The following KALRN variants were observed in gnomAD, a reference collection of about 807,000 sequenced individuals.
The protein encoded by KALRN is kalirin RhoGEF kinase.
A neutral mutation model predicts 353.7 loss-of-function variants in KALRN; 70 were observed. The ratio of observed to expected loss-of-function variants is 0.20; its 90% CI spans 0.16 to 0.24. The LOEUF (loss-of-function observed/expected upper bound fraction) is 0.24. KALRN is among the 10% of genes least tolerant of loss of function. The probability of loss-of-function intolerance (pLI) is 1.00; values close to 1 mark genes in which losing one functional copy is unlikely to be tolerated. For missense variants in KALRN, 2,791 were observed against 3,756.7 expected (o/e 0.74, Z 6.72); for synonymous variants, 1,391 against 1,434.8 (o/e 0.97, Z 0.69).
At chr3:124,342,361 C>A (rs1447391282) in intron 9 of KALRN, among the ~76,000 whole-genome samples, 1 of 152,164 alleles carries the variant, frequency 6.6e-6, no homozygotes, top group Non-Finnish European at 1.5e-5. Context: ...CACTCTGCAT[C>A]CATGTGTATG....
intron 1 of KALRN, among the ~76,000 whole-genome samples, chr3:124,216,894 G>A (rs1186008265): frequency 1.3e-5 from 2 of 152,086 alleles, no homozygotes; most frequent in African/African-American, 4.8e-5. Flanking sequence ...TAGGTCTTGG[G>A]AAAATCCCAT....
At chr3:124,646,412 A>ATTTTTTTTTTTTTTTTTTT (rs1559758779) in intron 37 of KALRN, among the ~76,000 whole-genome samples, 2 of 125,538 alleles carry the variant, frequency 1.6e-5, no homozygotes, top group African/African-American at 6.0e-5. Context: ...TTTTTTTGAG[A>ATTTTTTTTTTTTTTTTTTT]CAGAGCCTTG....
In KALRN at chr3:124,270,033, T is replaced by TA. The variant is rs757817885; in HGVS notation, c.969+784dup. The stretch of plus-strand genomic sequence containing the variant: ...CAGGGAAAAGTAAGATAAGAGAATG[T>TA]AAAAAAGGAAAATTGCATATAGTGC... On this transcript the variant is annotated intron_variant, in intron 5 of 59. Transcript: ENST00000682506. 1.4e-3 allele frequency among the ~76,000 whole-genome samples: 208 copies of TA among 152,302 alleles called. 1 individual carries two copies. Among genetic ancestry groups the TA allele is most frequent in the Non-Finnish European group, 1.7e-3 (113 of 68,014 alleles).
intron 33 of KALRN, among the ~76,000 whole-genome samples, chr3:124,521,148 C>A (rs2067131616): frequency 6.6e-6 from 1 of 152,210 alleles, no homozygotes; most frequent in Non-Finnish European, 1.5e-5. Flanking sequence ...ATCCATGTAC[C>A]CTTGCCTTGT....
intron 34 of KALRN, among the ~76,000 whole-genome samples, chr3:124,568,942 T>C (rs2073185872): frequency 6.6e-6 from 1 of 152,154 alleles, no homozygotes; most frequent in Non-Finnish European, 1.5e-5. Flanking sequence ...TGAATGGACT[T>C]AATGCCACTG....
intron 33 of KALRN, among the ~76,000 whole-genome samples, chr3:124,498,258 A>G (rs1048734583): frequency 6.6e-6 from 1 of 152,148 alleles, no homozygotes; most frequent in African/African-American, 2.4e-5. Context: ...ATGTAGAAGC[A>G]CCCATCATGT....
intron 1 of KALRN, among the ~76,000 whole-genome samples, chr3:124,119,555 G>A (rs188479859): frequency 1.3e-4 from 20 of 152,300 alleles, no homozygotes; most frequent in Admixed American, 2.6e-4. Flanking sequence ...GCTTCCAAGA[G>A]CAGCTTCCTC....
chr3:124,486,645 T>C (rs115282870), intron 28 of KALRN, among the ~76,000 whole-genome samples: 2,116 of 152,222 alleles, frequency 0.014, 20 homozygotes, highest in Non-Finnish European at 0.022. Flanking sequence ...TGACTAAAAA[T>C]TTCAAGGATA....
rs2059902627 is a variant in KALRN at position 124,461,905 on chromosome 3, A to G, written c.3870A>G (p.Glu1290=). The G allele has an allele frequency of 6.2e-7, 1 of 1,613,172 alleles. No individual in the cohort carries two copies. The highest frequency in any genetic ancestry group is 8.5e-7 in the Non-Finnish European group (1 of 1,179,208). ...SARKKEFIMA[E]LLQTEKAYVR... is the part of the protein sequence containing the mutation. ...TTCCTTCTAGATTTATTATGGCTGA[A>G]CTACTCCAGACAGAGAAGGCTTATG... The change falls in exon 24 of 60, where the codon GAA becomes GAG. Residue 1290 remains glutamate, a synonymous_variant. Transcript: ENST00000682506.
intron 17 of KALRN, among the ~76,000 whole-genome samples, chr3:124,436,524 A>G (rs1035546880): frequency 4.1e-4 from 59 of 142,988 alleles, no homozygotes; most frequent in East Asian, 2.0e-3. Flanking sequence ...CTCAAGTTTG[A>G]TGACAGATCT....
chr3:124,458,293 A>AAAAAAAGAG (rs1472678677), intron 23 of KALRN, among the ~76,000 whole-genome samples: 3 of 150,650 alleles, frequency 2.0e-5, no homozygotes, highest in East Asian at 2.0e-4. Context: ...AAAAAAAAAA[A>AAAAAAAGAG]AAAGAGAATG....
intron 14 of KALRN, among the ~76,000 whole-genome samples, chr3:124,422,511 G>A (rs910641405): frequency 1.3e-5 from 2 of 152,128 alleles, no homozygotes; most frequent in Admixed American, 1.3e-4. Context: ...AGCAGGAATT[G>A]CTGGGTGCTG....
At chr3:124,446,103 G>A in intron 19 of KALRN, 58 bp from the exon 20 acceptor site, 1 of 1,125,562 alleles carries the variant, frequency 8.9e-7, no homozygotes, top group Non-Finnish European at 1.3e-6. Flanking sequence ...GGGCTGAAGG[G>A]GTTGGTTGGA....
intron 34 of KALRN, among the ~76,000 whole-genome samples, chr3:124,582,603 C>G (rs538583227): frequency 6.6e-6 from 1 of 152,250 alleles, no homozygotes; most frequent in South Asian, 2.1e-4. Context: ...CACTACTTTA[C>G]AAGGTTTTTT....
At chr3:124,198,952 G>C (rs1272682051) in intron 1 of KALRN, among the ~76,000 whole-genome samples, 3 of 152,242 alleles carry the variant, frequency 2.0e-5, no homozygotes, top group Non-Finnish European at 4.4e-5. Flanking sequence ...CAGAGGCCCA[G>C]ATTGTGTGAT....
intron 2 of KALRN, among the ~76,000 whole-genome samples, chr3:124,229,521 A>G (rs1007467166): frequency 2.6e-5 from 4 of 152,274 alleles, no homozygotes; most frequent in African/African-American, 9.6e-5. Flanking sequence ...GTGGAGTCAC[A>G]GAGCAAGAGC....
chr3:124,652,224 A>G lies in KALRN; in HGVS notation c.5795+1286A>G, dbSNP rs145022761. ...TTTATGAGTTTCTGTTTCCTAGGAAACAAAAGTGAGAACATCACAGTGAAG... is the reference window on the plus strand; with the variant it reads ...TTTATGAGTTTCTGTTTCCTAGGAAGCAAAAGTGAGAACATCACAGTGAAG... On this transcript the variant is annotated intron_variant, in intron 38 of 59. Coordinates refer to ENST00000682506, the MANE Select transcript of KALRN (RefSeq NM_001388419.1). 1.5e-4 allele frequency among the ~76,000 whole-genome samples: 23 copies of G among 152,348 alleles called. 1 individual carries two copies. In the East Asian group the frequency reaches 4.2e-3, roughly 28 times the overall value.
At chr3:124,591,633 G>A (rs913052266) in intron 34 of KALRN, among the ~76,000 whole-genome samples, 2 of 152,184 alleles carry the variant, frequency 1.3e-5, no homozygotes, top group African/African-American at 4.8e-5. Context: ...GATTGGTTAA[G>A]ACAATGTAAG....
intron 2 of KALRN, among the ~76,000 whole-genome samples, chr3:124,231,633 CCTT>C (rs1361659594): frequency 1.3e-5 from 2 of 152,138 alleles, no homozygotes; most frequent in African/African-American, 4.8e-5. Context: ...TTCTAGCTCT[CCTT>C]CTTGGAGAAT....
Sources: allele counts gnomAD v4.1 joint callset (sites outside exome capture counted in the v4.1 genomes callset), GRCh38; gene constraint gnomAD v4.1.1; transcripts MANE v1.5; gene names NCBI Gene and HGNC (gene_info 2026-07-23, HGNC 2026-07-21).